The following DENND3 variants were observed in gnomAD, a reference collection of about 807,000 sequenced individuals.
The protein encoded by DENND3 is DENN domain-containing protein 3.
Under a neutral mutation model 135.1 loss-of-function variants are expected in DENND3, and 88 were observed. That is an observed-to-expected ratio of 0.65 (90% confidence interval 0.55 to 0.78). DENND3 has a LOEUF of 0.78. Among genes scored for constraint, DENND3 ranks in the 30% least tolerant of loss-of-function variants. The pLI is 0.00. For synonymous variants in DENND3, 693 were observed against 712.3 expected (o/e 0.97, Z 0.43); for missense variants, 1,392 against 1,688.4 (o/e 0.82, Z 3.08).
chr8:141,192,320 T>TC lies in DENND3; in HGVS notation c.3380-9dup. 6.2e-7 allele frequency: 1 copy of TC among 1,613,872 alleles called. No homozygotes were observed. The stretch of plus-strand genomic sequence containing the variant: ...ACTGCCTGGCCCCATCCTAGCTCCT[T>TC]CCTTCCACAGGCACAGGTAACAGCA... On this transcript the variant is annotated splice_polypyrimidine_tract_variant and intron_variant, in intron 20 of 22. Coordinates refer to ENST00000519811, the MANE Select transcript of DENND3 (RefSeq NM_001352890.3).
chr8:141,128,850 C>T lies in DENND3; in HGVS notation c.102+41C>T, dbSNP rs1417177233. 2 of 1,328,396 alleles carry T rather than the reference C, an allele frequency of 1.5e-6. No homozygotes were observed. The highest frequency in any genetic ancestry group is 2.0e-6 in the Non-Finnish European group (2 of 1,024,808). 82.3% of individuals were successfully genotyped at this position (1,328,396 alleles called of 1,614,324 possible). On this transcript the variant is annotated intron_variant, in intron 1 of 22. Transcript: ENST00000519811. This position sits in a 1 kb window ranked among gnomAD's most constrained non-coding sequence, Gnocchi z 4.5. ...ACTGAGGCGGACGTGGGCCACGAGTCGGCAGCCGGGACAGCAGTCGGAGAG... is the reference window on the plus strand; with the variant it reads ...ACTGAGGCGGACGTGGGCCACGAGTTGGCAGCCGGGACAGCAGTCGGAGAG...
rs2154613199 is a variant in DENND3 at position 141,168,241 on chromosome 8, A to G, written c.1991A>G (p.Tyr664Cys). The change falls in exon 13 of 23, where the codon TAT becomes TGT. Residue 664 changes from tyrosine to cysteine, a missense_variant. By Grantham distance (194) the Tyr-to-Cys change is radical. Transcript: ENST00000519811. The surrounding 1 kb of genome is among the most constrained non-coding windows in gnomAD (Gnocchi z 6.2). ...LNALLDFQNL[Y>C]KTDIRIFPTD... ...GCCCTCTTGGACTTCCAGAATCTGTATAAAACAGACATACGGATCTTTCCC... is the reference window on the plus strand; with the variant it reads ...GCCCTCTTGGACTTCCAGAATCTGTGTAAAACAGACATACGGATCTTTCCC... 5 of 1,614,200 alleles carry G rather than the reference A, an allele frequency of 3.1e-6. No homozygotes were observed. Among genetic ancestry groups the G allele is most frequent in the East Asian group, 4.5e-5 (2 of 44,878 alleles).
intron 19 of DENND3, 92 bp from the exon 20 acceptor site, chr8:141,190,192 T>C: frequency 1.4e-6 from 2 of 1,427,158 alleles, no homozygotes; most frequent in Non-Finnish European, 9.2e-7. Flanking sequence ...ACATTTTCTC[T>C]CATGGCGACT....
rs1240122732 is a variant in DENND3 at position 141,151,817 on chromosome 8, C to T, written c.1054C>T (p.His352Tyr). The change falls in exon 7 of 23, where the codon CAC becomes TAC. Residue 352 changes from histidine to tyrosine, a missense_variant. Physicochemically the swap from His to Tyr is moderately conservative, Grantham distance 83. Coordinates refer to ENST00000519811, the MANE Select transcript of DENND3 (RefSeq NM_001352890.3). ...CTTCCTGATGGGCTGCCATCTCGACCACTTCGAAGAAGTCAGCAAGGTTAG... is the reference window on the plus strand; with the variant it reads ...CTTCCTGATGGGCTGCCATCTCGACTACTTCGAAGAAGTCAGCAAGGTTAG... ...TSFLMGCHLDHFEEVSKEADG... is the reference protein window; with the variant it reads ...TSFLMGCHLDYFEEVSKEADG... 3 of 1,614,198 alleles carry T rather than the reference C, an allele frequency of 1.9e-6. No homozygotes were observed. Among genetic ancestry groups the T allele is most frequent in the Non-Finnish European group, 2.5e-6 (3 of 1,180,044 alleles).
intron 1 of DENND3, among the ~76,000 whole-genome samples, chr8:141,134,963 C>T (rs942158105): frequency 1.3e-5 from 2 of 152,046 alleles, no homozygotes; most frequent in Non-Finnish European, 2.9e-5. Flanking sequence ...CCCGCCCGGC[C>T]GAGTAGCTGG....
In DENND3 at chr8:141,163,374, A is replaced by G; in HGVS notation, c.1394A>G (p.Asn465Ser). 1 of 1,613,194 alleles carries G rather than the reference A, an allele frequency of 6.2e-7. No individual in the cohort carries two copies. The highest frequency in any genetic ancestry group is 1.1e-5 in the South Asian group (1 of 91,028). Residue 465 changes from asparagine (N) to serine (S), a missense_variant, in exon 10 of 23, where the codon AAT becomes AGT. By Grantham distance (46) the Asn-to-Ser change is conservative (BLOSUM62 1). Transcript: ENST00000519811. The part of the protein sequence containing the change: ...NHLNYEHRVF[N>S]SEEFLKTRAP... ...TTAAACTATGAACACAGAGTCTTTA[A>G]TAGTGAAGAATTTCTCAAAACCAGG...
chr8:141,188,681 C>A, intron 18 of DENND3: 1 of 315,166 alleles, frequency 3.2e-6, no homozygotes, highest in South Asian at 5.8e-5. Flanking sequence ...AGAGAAAATG[C>A]ATGTGTGAGA....
At position 141,144,371 on chromosome 8, in the gene DENND3, T is replaced by A; in HGVS notation, c.735+112T>A. On this transcript the variant is annotated intron_variant, in intron 5 of 22. Transcript: ENST00000519811. The surrounding 1 kb of genome is among the most constrained non-coding windows in gnomAD (Gnocchi z 4.4). ...TCTGAAGTTCTAGCTGTTGTAAACCTAAAATAACATCCTAACCCCCCCGCC... is the reference window on the plus strand; with the variant it reads ...TCTGAAGTTCTAGCTGTTGTAAACCAAAAATAACATCCTAACCCCCCCGCC... 1 of 1,043,564 alleles carries A rather than the reference T, an allele frequency of 9.6e-7. No individual in the cohort carries two copies. The highest frequency in any genetic ancestry group is 1.7e-5 in the South Asian group (1 of 58,020). The allele number at this position is 1,043,564 out of a possible 1,614,324, so 64.6% of individuals were successfully genotyped here.
intron 22 of DENND3, 89 bp downstream of exon 22, chr8:141,192,752 G>A (rs960242687): frequency 4.2e-5 from 67 of 1,606,188 alleles, no homozygotes; most frequent in Non-Finnish European, 5.6e-5. Context: ...CCAGCCGCAC[G>A]CCCTCGTGCC....
intron 18 of DENND3, chr8:141,185,498 C>A: frequency 1.9e-6 from 1 of 534,234 alleles, no homozygotes; most frequent in Non-Finnish European, 3.2e-6. Context: ...AAGATAATGG[C>A]TTTGACTTTC....
At chr8:141,176,289 A>AAAAC in intron 14 of DENND3, 2 of 205,124 alleles carry the variant, frequency 9.8e-6, no homozygotes, top group Non-Finnish European at 9.4e-6. Context: ...AAACAAAACA[A>AAAAC]AAAAAAAAAA....
intron 1 of DENND3, among the ~76,000 whole-genome samples, chr8:141,135,498 T>G (rs1300940766): frequency 1.6e-4 from 25 of 152,148 alleles, no homozygotes; most frequent in Admixed American, 1.6e-3. Flanking sequence ...CTACCTGCCT[T>G]TGGCCACCTC....
At chr8:141,129,420 C>T (rs1380501255) in intron 1 of DENND3, among the ~76,000 whole-genome samples, 1 of 152,152 alleles carries the variant, frequency 6.6e-6, no homozygotes, top group African/African-American at 2.4e-5. Flanking sequence ...CGGTACCACC[C>T]CCACCCCCAA....
Position 141,137,201 on chromosome 8 carries a change from A to G in DENND3, c.385+410A>G, listed in dbSNP as rs968604622. Among the ~76,000 whole-genome samples, 24 of 152,076 alleles carry G rather than the reference A, an allele frequency of 1.6e-4. No individual in the cohort carries two copies. Among genetic ancestry groups the G allele is most frequent in the African/African-American group, 5.8e-4 (24 of 41,400 alleles). The stretch of plus-strand genomic sequence containing the variant: ...CACCATGTTGGCCAGGCTGGTCTTG[A>G]ACTCTTGGCCTCAAGTGATCCACCT... On this transcript the variant is annotated intron_variant, in intron 2 of 22. Coordinates refer to ENST00000519811, the MANE Select transcript of DENND3 (RefSeq NM_001352890.3). This position sits in a 1 kb window ranked among gnomAD's most constrained non-coding sequence, Gnocchi z 4.1.
chr8:141,128,926 C>G lies in DENND3; in HGVS notation c.102+117C>G. On this transcript the variant is annotated intron_variant, in intron 1 of 22. Coordinates refer to ENST00000519811, the MANE Select transcript of DENND3 (RefSeq NM_001352890.3). The surrounding 1 kb of genome is among the most constrained non-coding windows in gnomAD (Gnocchi z 4.5). ...GGCGCGGACTTTCCGAGGGCTGAGTCCCGGTCCCCCGGCGGTGACCCCGCG... is the reference window on the plus strand; with the variant it reads ...GGCGCGGACTTTCCGAGGGCTGAGTGCCGGTCCCCCGGCGGTGACCCCGCG... 1.3e-6 allele frequency: 1 copy of G among 762,616 alleles called. No individual in the cohort carries two copies. Among genetic ancestry groups the G allele is most frequent in the African/African-American group, 1.9e-5 (1 of 53,906 alleles). 47.2% of individuals were successfully genotyped at this position (762,616 alleles called of 1,614,324 possible). A position where few individuals can be genotyped will look rare whatever the true frequency, so the allele number is the denominator to read the frequency against.
rs555838833 is a variant in DENND3, at chr8:141,167,350, C to T, written c.1754-654C>T. ...GAGCATGCTCCGCTTTCCCTGCCCT[C>T]GGAACCTTCCCCTGGAGCCCCCATG... On this transcript the variant is annotated intron_variant, in intron 12 of 22. Transcript: ENST00000519811. This position sits in a 1 kb window ranked among gnomAD's most constrained non-coding sequence, Gnocchi z 4.1. Among the ~76,000 whole-genome samples the T allele has an allele frequency of 3.9e-5, 6 of 152,324 alleles. No individual in the cohort carries two copies. The East Asian group carries it at 5.8e-4, about 15-fold the overall frequency.
chr8:141,194,255 G>A lies in DENND3; in HGVS notation c.*22G>A, dbSNP rs368480139. The A allele has an allele frequency of 2.4e-4, 379 of 1,606,424 alleles. 4 individuals are homozygous for A. In the Admixed American group the frequency reaches 5.5e-3, roughly 23 times the overall value. On this transcript the variant is annotated 3_prime_UTR_variant, in exon 23 of 23. Transcript: ENST00000519811. ...ATAAACGTGGCTGAGTCTGCCAAGTGGAACTGTGCCCTATGTGTGGGGACT... is the reference window on the plus strand; with the variant it reads ...ATAAACGTGGCTGAGTCTGCCAAGTAGAACTGTGCCCTATGTGTGGGGACT...
Position 141,189,138 on chromosome 8 carries a change from G to A in DENND3, c.3237G>A (p.Glu1079=). The change falls in exon 19 of 23, where the codon GAG becomes GAA. Residue 1079 remains glutamate, a synonymous_variant. Coordinates refer to ENST00000519811, the MANE Select transcript of DENND3 (RefSeq NM_001352890.3). ...VTDLIVQDGQ[E]APSNVYSCSM... ...ATTTGATTGTGCAGGACGGACAGGA[G>A]GCACCCAGGTGCAGTAAGCTCTGCT... 1.2e-6 allele frequency: 2 copies of A among 1,614,180 alleles called. No homozygotes were observed. Among genetic ancestry groups the A allele is most frequent in the Non-Finnish European group, 1.7e-6 (2 of 1,180,018 alleles).
Position 141,194,290 on chromosome 8 carries a change from CT to C in DENND3, c.*58del. ...CCTATGTGTGGGGACTGGCTGCCCC[CT>C]AGAGCCTGCCAGGAGCAGAAGCCTG... is the stretch of plus-strand genomic sequence containing the variant. On this transcript the variant is annotated 3_prime_UTR_variant, in exon 23 of 23. Coordinates refer to ENST00000519811, the MANE Select transcript of DENND3 (RefSeq NM_001352890.3). 6.4e-7 allele frequency: 1 copy of C among 1,568,038 alleles called. No individual in the cohort carries two copies.
Sources: gnomAD v4.1 joint callset for allele counts (sites outside exome capture counted in the v4.1 genomes callset) on GRCh38, gnomAD v4.1.1 for gene constraint, Gnocchi (gnomAD v3.1) non-coding constraint, MANE v1.5 for transcripts, NCBI Gene and HGNC (gene_info 2026-07-23, HGNC 2026-07-21) for gene names.